The following MLLT3 variants were observed in gnomAD, a reference collection of about 807,000 sequenced individuals.
The protein encoded by MLLT3 is MLLT3 super elongation complex subunit, also known as protein AF-9.
A neutral mutation model predicts 53.2 loss-of-function variants in MLLT3; 4 were observed. That is an observed-to-expected ratio of 0.08 (90% CI 0.04 to 0.17). The LOEUF (loss-of-function observed/expected upper bound fraction) is 0.17, where lower values mean the gene tolerates loss of function less well. Ranked by LOEUF, MLLT3 falls within the 10% of genes least tolerant of loss-of-function variation. The pLI, the probability that MLLT3 is intolerant of heterozygous loss-of-function variation, is 1.00. For missense variants in MLLT3, 569 were observed against 684.0 expected (o/e 0.83, Z 1.87); for synonymous variants, 283 against 230.6 (o/e 1.23, Z -2.06).
rs558705488 is a variant in MLLT3 at position 20,550,464 on chromosome 9, T to G, written c.193+70190A>C. On this transcript the variant is annotated intron_variant, in intron 2 of 10. Coordinates refer to ENST00000380338, the MANE Select transcript of MLLT3 (RefSeq NM_004529.4). Reference sequence around the variant, plus strand: ...TTTTTATTTTTGAGACAGGTCTTGCTTTGTCACCCAGGCTGGAATGCAGTG... The same window carrying G: ...TTTTTATTTTTGAGACAGGTCTTGCGTTGTCACCCAGGCTGGAATGCAGTG... Among the ~76,000 whole-genome samples, 143 of 152,292 alleles carry G rather than the reference T, an allele frequency of 9.4e-4. 1 individual carries two copies. Among genetic ancestry groups the G allele is most frequent in the African/African-American group, 3.4e-3 (140 of 41,566 alleles).
chr9:20,480,889 A>G (rs1390913631), intron 2 of MLLT3, among the ~76,000 whole-genome samples: 1 of 152,244 alleles, frequency 6.6e-6, no homozygotes, highest in Non-Finnish European at 1.5e-5. Flanking sequence ...ACACAAAGAT[A>G]GCTAGGTCAG....
chr9:20,496,041 A>G (rs549148552), intron 2 of MLLT3, among the ~76,000 whole-genome samples: 69 of 152,294 alleles, frequency 4.5e-4, no homozygotes, highest in Non-Finnish European at 8.7e-4. Flanking sequence ...GGTTTGCCCA[A>G]TATGCAACAT....
At chr9:20,574,548 T>C (rs182664508) in intron 2 of MLLT3, among the ~76,000 whole-genome samples, 135 of 152,356 alleles carry the variant, frequency 8.9e-4, no homozygotes, top group African/African-American at 3.1e-3. Flanking sequence ...GCATTATGTC[T>C]TAAAAATAAT....
intron 2 of MLLT3, among the ~76,000 whole-genome samples, chr9:20,503,216 C>T (rs561441468): frequency 2.2e-4 from 34 of 152,200 alleles, no homozygotes; most frequent in Non-Finnish European, 4.0e-4. Flanking sequence ...TATGGAACCA[C>T]GAAAGACCCC....
Position 20,585,774 on chromosome 9 carries a change from G to C in MLLT3, c.193+34880C>G, listed in dbSNP as rs60838819. ...CCAGTGTGGTCTCATGGTCATCTTGGAGCATGATCACCAGGACTGCTTATT... is the reference window on the plus strand; with the variant it reads ...CCAGTGTGGTCTCATGGTCATCTTGCAGCATGATCACCAGGACTGCTTATT... On this transcript the variant is annotated intron_variant, in intron 2 of 10. Coordinates refer to ENST00000380338, the MANE Select transcript of MLLT3 (RefSeq NM_004529.4). Among the ~76,000 whole-genome samples, 1,029 of 152,198 alleles carry C rather than the reference G, an allele frequency of 6.8e-3. 18 individuals are homozygous for C. Among genetic ancestry groups the C allele is most frequent in the African/African-American group, 0.024 (999 of 41,498 alleles).
chr9:20,583,264 G>A (rs548172613), intron 2 of MLLT3, among the ~76,000 whole-genome samples: 170 of 152,276 alleles, frequency 1.1e-3, no homozygotes, highest in African/African-American at 3.8e-3. Flanking sequence ...TCGTGGTCTT[G>A]GACAACTCTG....
intron 2 of MLLT3, among the ~76,000 whole-genome samples, chr9:20,558,950 A>AG (rs528780330): frequency 5.9e-5 from 9 of 152,176 alleles, no homozygotes; most frequent in South Asian, 2.1e-4. Flanking sequence ...GTCCTGGTGA[A>AG]GGGTCTGAAT....
intron 2 of MLLT3, among the ~76,000 whole-genome samples, chr9:20,496,300 G>C (rs1000272759): frequency 6.6e-6 from 1 of 152,110 alleles, no homozygotes; most frequent in African/African-American, 2.4e-5. Context: ...TTATGTTACT[G>C]TGTTGAAAAG....
At chr9:20,462,343 T>A (rs993566791) in intron 2 of MLLT3, among the ~76,000 whole-genome samples, 1 of 152,218 alleles carries the variant, frequency 6.6e-6, no homozygotes, top group African/African-American at 2.4e-5. Flanking sequence ...GAATTAAAGA[T>A]AACATCAACA....
At chr9:20,403,926 G>C (rs148985344) in intron 5 of MLLT3, among the ~76,000 whole-genome samples, 165 of 152,038 alleles carry the variant, frequency 1.1e-3, no homozygotes, top group African/African-American at 3.7e-3. Context: ...TCAGATGATT[G>C]TCCCACCTCA....
chr9:20,513,762 A>T (rs1817826277), intron 2 of MLLT3, among the ~76,000 whole-genome samples: 1 of 152,166 alleles, frequency 6.6e-6, no homozygotes, highest in Admixed American at 6.5e-5. Flanking sequence ...GGAGGCAGGG[A>T]GTGGATAGTG....
At chr9:20,587,807 T>C (rs574212313) in intron 2 of MLLT3, among the ~76,000 whole-genome samples, 31 of 152,284 alleles carry the variant, frequency 2.0e-4, no homozygotes, top group Non-Finnish European at 1.8e-4. Flanking sequence ...TTCACTCTGA[T>C]GGTAGTTTCT....
intron 5 of MLLT3, among the ~76,000 whole-genome samples, chr9:20,369,670 G>T (rs993822655): frequency 1.3e-5 from 2 of 152,106 alleles, no homozygotes; most frequent in Non-Finnish European, 2.9e-5. Context: ...TGTGAGTTAT[G>T]TATTTTATTT....
In MLLT3 at chr9:20,413,787, C is replaced by T. The variant is rs374461240; in HGVS notation, c.1059G>A (p.Pro353=). 87 of 1,613,496 alleles carry T rather than the reference C, an allele frequency of 5.4e-5. No homozygotes were observed. Among genetic ancestry groups the T allele is most frequent in the Admixed American group, 1.2e-4 (7 of 59,900 alleles). ...TGGGATCCACAATATCATCAAATGG[C>T]GGTAACGTTGATTTCTTCTTCTCTG... ...ETSEKKKSTL[P]PFDDIVDPND... The change falls in exon 5 of 11, where the codon CCG becomes CCA. Residue 353 remains proline, a synonymous_variant. Transcript: ENST00000380338.
Position 20,448,289 on chromosome 9 carries a change from A to C in MLLT3, c.277-23T>G, listed in dbSNP as rs762124496. ...TTCCTGGAGGTTAACAAAAATTATG[A>C]AAGAAAAAAGAGAGTGAGGCATAAG... On this transcript the variant is annotated intron_variant, in intron 3 of 10. Transcript: ENST00000380338. The surrounding 1 kb of genome is among the most constrained non-coding windows in gnomAD (Gnocchi z 4.0). The C allele has an allele frequency of 1.9e-6, 3 of 1,607,762 alleles. No homozygotes were observed. Among genetic ancestry groups the C allele is most frequent in the Non-Finnish European group, 1.7e-6 (2 of 1,177,690 alleles).
At chr9:20,565,327 G>A (rs1327669862) in intron 2 of MLLT3, among the ~76,000 whole-genome samples, 1 of 152,042 alleles carries the variant, frequency 6.6e-6, no homozygotes, top group African/African-American at 2.4e-5. Flanking sequence ...GGAGTTGGGA[G>A]GGATGAGGAA....
chr9:20,418,799 C>T (rs550935338), intron 4 of MLLT3, among the ~76,000 whole-genome samples: 5 of 152,216 alleles, frequency 3.3e-5, no homozygotes, highest in African/African-American at 4.8e-5. Flanking sequence ...GAGAGTTTCA[C>T]GCACACAGGT....
chr9:20,456,669 GTC>G, intron 3 of MLLT3, 33 bp downstream of exon 3: 1 of 1,402,956 alleles, frequency 7.1e-7, no homozygotes, highest in Non-Finnish European at 1.0e-6. Context: ...ATGGTGGATC[GTC>G]TACTGAAAGA....
chr9:20,411,037 G>C (rs1443265311), intron 5 of MLLT3: 11 of 152,326 alleles, frequency 7.2e-5, no homozygotes, highest in African/African-American at 2.6e-4. Flanking sequence ...ACCTTAGAGA[G>C]ATCAGGTCAT....
Sources: allele counts gnomAD v4.1 joint callset (sites outside exome capture counted in the v4.1 genomes callset), GRCh38; gene constraint gnomAD v4.1.1; non-coding constraint Gnocchi (gnomAD v3.1); transcripts MANE v1.5; gene names NCBI Gene and HGNC (gene_info 2026-07-23, HGNC 2026-07-21).